The following ATAD5 variants were observed in gnomAD, a reference collection of about 807,000 sequenced individuals.
ATAD5 encodes the protein ATPase family AAA domain containing 5, also known as ATPase family AAA domain-containing protein 5.
In ATAD5, 58 loss-of-function variants were observed where a neutral mutation model predicts 176.9. That is an observed-to-expected ratio of 0.33 (90% CI 0.27 to 0.41). ATAD5 has a LOEUF of 0.41. ATAD5 is among the 10% of genes least tolerant of loss of function. ATAD5 has a pLI of 1.00. For missense variants in ATAD5, 1,789 were observed against 2,094.1 expected (o/e 0.85, Z 2.84); for synonymous variants, 640 against 712.6 (o/e 0.90, Z 1.62).
At position 30,834,546 on chromosome 17, in the gene ATAD5, T is replaced by C; in HGVS notation, c.465T>C (p.Ser155=). Residue 155 remains serine, a synonymous_variant, in exon 2 of 23, where the codon AGT becomes AGC. Transcript: ENST00000321990. The part of the protein sequence containing the change: ...YSLNNDFVES[S]TSVLRYKKQV... The stretch of plus-strand genomic sequence containing the variant: ...TAAATAATGATTTTGTGGAAAGTAG[T>C]ACTTCTGTTTTACGTTACAAGAAAC... 1 of 1,597,728 alleles carries C rather than the reference T, an allele frequency of 6.3e-7. No homozygotes were observed. Among genetic ancestry groups the C allele is most frequent in the Non-Finnish European group, 8.5e-7 (1 of 1,176,164 alleles).
intron 6 of ATAD5, among the ~76,000 whole-genome samples, chr17:30,850,869 A>ATTTTTTTTTT (rs58433358): frequency 6.8e-5 from 1 of 14,782 alleles, no homozygotes; most frequent in East Asian, 3.8e-3. Context: ...ATATATATAT[A>ATTTTTTTTTT]TTTTTTTTTT....
Position 30,877,991 on chromosome 17 carries a change from A to G in ATAD5, c.3919-12A>G, listed in dbSNP as rs956042630. ...AAGTGTATTAATATATTAATATTCT[A>G]ATAAACTGTAGGTTGATGTAATTTT... On this transcript the variant is annotated splice_polypyrimidine_tract_variant and intron_variant, in intron 16 of 22. Coordinates refer to ENST00000321990, the MANE Select transcript of ATAD5 (RefSeq NM_024857.5). The G allele has an allele frequency of 3.2e-6, 5 of 1,557,626 alleles. 1 individual carries two copies. In the South Asian group the frequency reaches 5.7e-5, roughly 18 times the overall value.
chr17:30,876,266 CTT>C, intron 14 of ATAD5, 106 bp from the exon 15 acceptor site: 1 of 951,196 alleles, frequency 1.1e-6, no homozygotes. Context: ...ATTTCTGTGT[CTT>C]TGATTTTTAA....
chr17:30,860,615 A>G lies in ATAD5; in HGVS notation c.3136+3A>G. 1 of 1,546,364 alleles carries G rather than the reference A, an allele frequency of 6.5e-7. No individual in the cohort carries two copies. Among genetic ancestry groups the G allele is most frequent in the Non-Finnish European group, 8.6e-7 (1 of 1,157,132 alleles). ...GATAAAGCTAGATTCTTCCAAAGGTATATTTTCTAAAACATCCCAAAAGAA... is the reference window on the plus strand; with the variant it reads ...GATAAAGCTAGATTCTTCCAAAGGTGTATTTTCTAAAACATCCCAAAAGAA... On this transcript the variant is annotated splice_donor_region_variant and intron_variant, in intron 10 of 22. Transcript: ENST00000321990.
intron 9 of ATAD5, among the ~76,000 whole-genome samples, chr17:30,858,905 T>A (rs144832076): frequency 3.1e-4 from 47 of 152,302 alleles, no homozygotes; most frequent in African/African-American, 1.0e-3. Context: ...CTGGCTAGTT[T>A]TTGTATTTTT....
At chr17:30,866,803 A>G (rs1908016804) in intron 11 of ATAD5, among the ~76,000 whole-genome samples, 1 of 152,148 alleles carries the variant, frequency 6.6e-6, no homozygotes, top group Non-Finnish European at 1.5e-5. Flanking sequence ...CAACAGAGTA[A>G]GACTCTGTCC....
chr17:30,861,817 A>G (rs1907653474), intron 10 of ATAD5: 1 of 151,388 alleles, frequency 6.6e-6, no homozygotes, highest in Admixed American at 6.6e-5. Flanking sequence ...CGGCCAATAT[A>G]TGTGCTTTAA....
At chr17:30,869,700 G>A in intron 14 of ATAD5, 54 bp downstream of exon 14, 1 of 1,520,316 alleles carries the variant, frequency 6.6e-7, no homozygotes, top group Non-Finnish European at 8.9e-7. Context: ...TAAAATCTAA[G>A]AAAGTAATGT....
At position 30,870,317 on chromosome 17, in the gene ATAD5, A is replaced by T. The variant is rs115085655; in HGVS notation, c.3607+671A>T. ...TTTCATGTCATTAATTTGTTGAAGA[A>T]TCTGAGTCATTTGTCATGAAATTCT... On this transcript the variant is annotated intron_variant, in intron 14 of 22. Transcript: ENST00000321990. Among the ~76,000 whole-genome samples the T allele has an allele frequency of 5.1e-3, 779 of 152,114 alleles. 13 individuals carry two copies. The highest frequency in any genetic ancestry group is 0.018 in the African/African-American group (740 of 41,568).
chr17:30,846,690 C>T lies in ATAD5; in HGVS notation c.2450+1774C>T, dbSNP rs373720498. On this transcript the variant is annotated intron_variant, in intron 6 of 22. Transcript: ENST00000321990. ...TGCTGGGATTATAGGCGTGAGCCAC[C>T]GTGTCCAGCCAACAGTTTGAATTTT... Among the ~76,000 whole-genome samples, 9 of 151,312 alleles carry T rather than the reference C, an allele frequency of 5.9e-5. No homozygotes were observed. The South Asian group carries it at 1.0e-3, about 18-fold the overall frequency.
At chr17:30,865,242 C>T (rs574523289) in intron 10 of ATAD5, among the ~76,000 whole-genome samples, 29 of 151,648 alleles carry the variant, frequency 1.9e-4, no homozygotes, top group Middle Eastern at 3.4e-3. Context: ...GCGCGATCTC[C>T]GCTCATTGCA....
intron 19 of ATAD5, 59 bp from the exon 20 acceptor site, chr17:30,892,548 T>C (rs906747681): frequency 3.3e-6 from 4 of 1,226,918 alleles, no homozygotes; most frequent in Admixed American, 2.9e-5. Context: ...CTTTAAATAA[T>C]TGTTTGATAC....
chr17:30,868,456 C>T (rs1480955064), intron 12 of ATAD5, 44 bp downstream of exon 12: 2 of 1,264,302 alleles, frequency 1.6e-6, no homozygotes, highest in East Asian at 5.6e-5. Flanking sequence ...TTTCACTGAA[C>T]ATTTTTAGAG....
chr17:30,889,076 AT>A (rs1192943051), intron 19 of ATAD5, among the ~76,000 whole-genome samples: 2 of 150,046 alleles, frequency 1.3e-5, no homozygotes, highest in Non-Finnish European at 3.0e-5. Flanking sequence ...AAAAAAAAAA[AT>A]TAAAAAACAC....
chr17:30,855,049 A>G (rs1907209961), intron 6 of ATAD5, 94 bp from the exon 7 acceptor site: 2 of 1,224,542 alleles, frequency 1.6e-6, no homozygotes, highest in Admixed American at 2.9e-5. Context: ...ATGAGCCACC[A>G]TGCCCAGCCC....
At chr17:30,837,451 T>G (rs754876299) in intron 3 of ATAD5, 137 bp downstream of exon 3, 70 of 608,018 alleles carry the variant, frequency 1.2e-4, no homozygotes, top group Non-Finnish European at 1.3e-4. Context: ...ACTACAACCC[T>G]ATGATATTTT....
intron 8 of ATAD5, 78 bp from the exon 9 acceptor site, chr17:30,858,083 G>A: frequency 8.0e-7 from 1 of 1,253,484 alleles, no homozygotes; most frequent in South Asian, 2.2e-5. Context: ...ATGATGGACA[G>A]AAAGTGGTTG....
chr17:30,876,976 C>G (rs1008062096), intron 15 of ATAD5, among the ~76,000 whole-genome samples: 1 of 151,974 alleles, frequency 6.6e-6, no homozygotes, highest in South Asian at 2.1e-4. Flanking sequence ...CTTAGCATCC[C>G]AAAGTGCTGG....
At chr17:30,846,725 T>TC in intron 6 of ATAD5, among the ~76,000 whole-genome samples, 1 of 150,566 alleles carries the variant, frequency 6.6e-6, no homozygotes, top group East Asian at 2.0e-4. Context: ...TTCTCTCTTT[T>TC]TTTTTTTTTT....
Sources: allele counts gnomAD v4.1 joint callset (sites outside exome capture counted in the v4.1 genomes callset), GRCh38; gene constraint gnomAD v4.1.1; transcripts MANE v1.5; gene names NCBI Gene and HGNC (gene_info 2026-07-23, HGNC 2026-07-21).